PTPN22: variants seen among roughly 807,000 people sequenced by gnomAD.
PTPN22 encodes protein tyrosine phosphatase non-receptor type 22.
In PTPN22, 85 loss-of-function variants were observed where a neutral mutation model predicts 103.3. The observed-to-expected ratio is 0.82, with a 90% CI of 0.69 to 0.99. The LOEUF (loss-of-function observed/expected upper bound fraction) is 0.99. Among genes scored for constraint, PTPN22 ranks in the 50% least tolerant of loss-of-function variants. The pLI is 0.00. For missense variants in PTPN22, 865 were observed against 936.9 expected, an observed-to-expected ratio of 0.92 and a Z score of 1.00; for synonymous variants, 323 against 310.2, an observed-to-expected ratio of 1.04 and a Z score of -0.43.
intron 20 of PTPN22, among the ~76,000 whole-genome samples, chr1:113,816,527 A>G (rs1479986528): frequency 3.3e-5 from 5 of 151,916 alleles, no homozygotes; most frequent in Non-Finnish European, 7.4e-5. Context: ...GCTCAAACCT[A>G]TAATCCGAGC....
chr1:113,822,666 A>G (rs937652055), intron 19 of PTPN22, among the ~76,000 whole-genome samples: 2 of 152,080 alleles, frequency 1.3e-5, no homozygotes, highest in South Asian at 2.1e-4. Flanking sequence ...CACTTCCTTA[A>G]AAAGGGTTTC....
At chr1:113,837,657 A>G (rs754822091) in exon 13 of PTPN22, 1 of 1,605,054 alleles carries the variant, frequency 6.2e-7, no homozygotes, top group Non-Finnish European at 8.5e-7. Context: ...ATAAAGAATC[A>G]TGTGAATTGT....
At chr1:113,850,756 C>T (rs1434825775) in intron 10 of PTPN22, among the ~76,000 whole-genome samples, 1 of 152,194 alleles carries the variant, frequency 6.6e-6, no homozygotes, top group Non-Finnish European at 1.5e-5. Flanking sequence ...CTTTAATTCA[C>T]AACTTCTAGA....
intron 11 of PTPN22, among the ~76,000 whole-genome samples, chr1:113,845,200 GTT>G (rs766526572): frequency 2.2e-5 from 3 of 137,662 alleles, no homozygotes; most frequent in East Asian, 2.1e-4. Flanking sequence ...TTTTGTTTTT[GTT>G]TTTTTTTTTT....
intron 11 of PTPN22, among the ~76,000 whole-genome samples, chr1:113,842,785 G>C (rs1359356443): frequency 6.6e-6 from 1 of 151,470 alleles, no homozygotes; most frequent in African/African-American, 2.4e-5. Context: ...AGCTGCTATG[G>C]AAAAGAGTAT....
intron 13 of PTPN22, among the ~76,000 whole-genome samples, chr1:113,836,907 C>T (rs1200118665): frequency 6.6e-6 from 1 of 152,066 alleles, no homozygotes; most frequent in Non-Finnish European, 1.5e-5. Flanking sequence ...GCATGGGCAA[C>T]ATAGTGAGAT....
At chr1:113,815,008 T>C in intron 20 of PTPN22, 39 bp from the exon 21 acceptor site, 1 of 1,454,560 alleles carries the variant, frequency 6.9e-7, no homozygotes, top group Non-Finnish European at 9.6e-7. Context: ...AGAAAGATGT[T>C]TTAAGTATAG....
intron 4 of PTPN22, 91 bp from the exon 5 acceptor site, chr1:113,857,867 C>A: frequency 8.4e-7 from 1 of 1,190,582 alleles, no homozygotes; most frequent in South Asian, 1.5e-5. Context: ...AAGTATTAAC[C>A]GTTCTTTTTT....
At chr1:113,850,267 AGG>A (rs1322776313) in intron 10 of PTPN22, among the ~76,000 whole-genome samples, 167 of 150,664 alleles carry the variant, frequency 1.1e-3, no homozygotes, top group African/African-American at 3.9e-3. Flanking sequence ...GAAGGAAGGA[AGG>A]AAGGAAAGAA....
chr1:113,841,855 G>A (rs908271004), intron 11 of PTPN22, among the ~76,000 whole-genome samples: 21 of 151,998 alleles, frequency 1.4e-4, no homozygotes, highest in African/African-American at 5.1e-4. Context: ...TGCCCGCCTC[G>A]GCCTCCCAAA....
At position 113,835,084 on chromosome 1, in the gene PTPN22, A is replaced by G. The variant is rs926436033; in HGVS notation, c.1811-91T>C. ...TTCTAATATTAAATATAAATTTACCATAATTTATATTTAAATTCCGTTGAA... is the reference window on the plus strand; with the variant it reads ...TTCTAATATTAAATATAAATTTACCGTAATTTATATTTAAATTCCGTTGAA... On this transcript the variant is annotated intron_variant, in intron 13 of 20. Coordinates refer to ENST00000359785, the Ensembl canonical transcript of PTPN22. 2.4e-5 allele frequency: 16 copies of G among 659,474 alleles called. No individual in the cohort carries two copies. In the African/African-American group the frequency reaches 2.7e-4, roughly 11 times the overall value. 40.9% of individuals were successfully genotyped at this position (659,474 alleles called of 1,614,324 possible). A position where few individuals can be genotyped will look rare whatever the true frequency, so the allele number is the denominator to read the frequency against.
chr1:113,863,442 A>T (rs749739465), intron 1 of PTPN22, among the ~76,000 whole-genome samples: 2 of 152,204 alleles, frequency 1.3e-5, no homozygotes, highest in Non-Finnish European at 2.9e-5. Flanking sequence ...GTAGGACTAG[A>T]TGGTCCCTAG....
At chr1:113,864,328 T>C in intron 1 of PTPN22, 1 of 435,162 alleles carries the variant, frequency 2.3e-6, no homozygotes, top group South Asian at 1.6e-5. Flanking sequence ...AAGTCAAGTC[T>C]GCAGTGAGCT....
At chr1:113,849,585 TA>T (rs1469092543) in intron 10 of PTPN22, among the ~76,000 whole-genome samples, 737 of 58,776 alleles carry the variant, frequency 0.013, 6 homozygotes, top group South Asian at 0.042. Flanking sequence ...TTTATTTATT[TA>T]TTTATTTATT....
intron 1 of PTPN22, among the ~76,000 whole-genome samples, chr1:113,862,790 T>C (rs1261319725): frequency 1.3e-5 from 2 of 152,130 alleles, no homozygotes; most frequent in African/African-American, 4.8e-5. Flanking sequence ...GTCAGTATTA[T>C]ACCAAGCCTC....
chr1:113,856,443 TA>T lies in PTPN22; in HGVS notation c.481-3del. The T allele has an allele frequency of 6.2e-7, 1 of 1,606,134 alleles. No homozygotes were observed. On this transcript the variant is annotated splice_region_variant and splice_polypyrimidine_tract_variant and intron_variant, in intron 6 of 20. Coordinates refer to ENST00000359785, the Ensembl canonical transcript of PTPN22. The stretch of plus-strand genomic sequence containing the variant: ...ATCAGATTTCCTTTTTTCAGCTTCC[TA>T]AAAAGAAAAAGAAGACTCAAGTATT...
intron 4 of PTPN22, 28 bp from the exon 5 acceptor site, chr1:113,857,804 A>T: frequency 6.3e-7 from 1 of 1,591,844 alleles, no homozygotes; most frequent in Non-Finnish European, 8.6e-7. Flanking sequence ...TAGAAACTTA[A>T]ACATTCATAT....
chr1:113,838,425 C>T lies in PTPN22; in HGVS notation c.993-18G>A, dbSNP rs374748943. 3.4e-4 allele frequency: 540 copies of T among 1,580,410 alleles called. 1 individual carries two copies. Among genetic ancestry groups the T allele is most frequent in the Middle Eastern group, 3.4e-4 (2 of 5,884 alleles). On this transcript the variant is annotated intron_variant, in intron 12 of 20. Transcript: ENST00000359785. Reference sequence around the variant, plus strand: ...TTGTGGTACTAAAACAAAAAGAAAGCGTAATGATGACACCATACCCCAAAC... The same window carrying T: ...TTGTGGTACTAAAACAAAAAGAAAGTGTAATGATGACACCATACCCCAAAC...
At chr1:113,854,696 G>A (rs1664895109) in intron 8 of PTPN22, among the ~76,000 whole-genome samples, 159 bp from the exon 9 acceptor site, 1 of 152,192 alleles carries the variant, frequency 6.6e-6, no homozygotes, top group Admixed American at 6.5e-5. Context: ...CATTTGTCAT[G>A]CAAGAGGTCC....
Sources: allele counts gnomAD v4.1 joint callset (sites outside exome capture counted in the v4.1 genomes callset), GRCh38; gene constraint gnomAD v4.1.1; transcripts MANE v1.5; gene names NCBI Gene and HGNC (gene_info 2026-07-23, HGNC 2026-07-21).